The following PLXNA2 variants were observed in gnomAD, a reference collection of about 807,000 sequenced individuals.
The protein encoded by PLXNA2 is plexin A2, also known as plexin-A2.
In PLXNA2, 91 loss-of-function variants were observed where a neutral mutation model predicts 193.5. The ratio of observed to expected loss-of-function variants is 0.47; its 90% CI spans 0.40 to 0.56. The LOEUF (loss-of-function observed/expected upper bound fraction) is 0.56. Among genes scored for constraint, PLXNA2 ranks in the 20% least tolerant of loss-of-function variants. The probability of loss-of-function intolerance (pLI) is 0.00; values close to 1 mark genes in which losing one functional copy is unlikely to be tolerated. For missense variants in PLXNA2, 1,995 were observed against 2,503.2 expected (o/e 0.80, Z 4.33); for synonymous variants, 997 against 1,027.3 (o/e 0.97, Z 0.56).
intron 3 of PLXNA2, among the ~76,000 whole-genome samples, chr1:208,198,087 T>C (rs1021958608): frequency 2.6e-5 from 4 of 152,180 alleles, no homozygotes; most frequent in Non-Finnish European, 2.9e-5. Context: ...TGGCTGCAAA[T>C]TTAATTCATA....
intron 3 of PLXNA2, among the ~76,000 whole-genome samples, chr1:208,208,516 T>C (rs1670812973): frequency 6.6e-6 from 1 of 152,214 alleles, no homozygotes; most frequent in Non-Finnish European, 1.5e-5. Context: ...GCCTATCCCA[T>C]GAGTGAACAC....
At chr1:208,110,868 C>T (rs1050707722) in intron 4 of PLXNA2, among the ~76,000 whole-genome samples, 5 of 152,172 alleles carry the variant, frequency 3.3e-5, no homozygotes, top group African/African-American at 1.2e-4. Context: ...CTTTCTGCTT[C>T]CTAGTCAAGC....
At chr1:208,172,689 G>T (rs1669531385) in intron 3 of PLXNA2, among the ~76,000 whole-genome samples, 1 of 152,186 alleles carries the variant, frequency 6.6e-6, no homozygotes. Context: ...CATGTCCTTG[G>T]ATGGTACTAT....
intron 3 of PLXNA2, among the ~76,000 whole-genome samples, chr1:208,206,786 T>G (rs1670741631): frequency 1.3e-5 from 2 of 150,386 alleles, no homozygotes; most frequent in South Asian, 2.1e-4. Flanking sequence ...TTTTTTTTTT[T>G]TTGAGACAGA....
At chr1:208,199,177 C>T (rs1670457244) in intron 3 of PLXNA2, among the ~76,000 whole-genome samples, 1 of 152,142 alleles carries the variant, frequency 6.6e-6, no homozygotes, top group Non-Finnish European at 1.5e-5. Flanking sequence ...GTGAAGTAGG[C>T]CTCCCTGCTG....
In PLXNA2 at chr1:208,220,948, T is replaced by C. The variant is rs145229340; in HGVS notation, c.-80-2946A>G. ...CAAGGGGAAAGAAATAGATCCAAGG[T>C]GATCTTCTTTGTCATACTACTGCAC... On this transcript the variant is annotated intron_variant, in intron 1 of 31. Coordinates refer to ENST00000367033, the MANE Select transcript of PLXNA2 (RefSeq NM_025179.4). 3.6e-3 allele frequency among the ~76,000 whole-genome samples: 547 copies of C among 152,272 alleles called. 4 individuals carry two copies. The highest frequency in any genetic ancestry group is 0.013 in the African/African-American group (523 of 41,532).
chr1:208,027,832 G>A (rs746260499), intron 31 of PLXNA2, among the ~76,000 whole-genome samples, 177 bp downstream of exon 31: 20 of 152,382 alleles, frequency 1.3e-4, no homozygotes, highest in Middle Eastern at 3.4e-3. Flanking sequence ...ACAATGAAGT[G>A]TATAAAGCCT....
intron 2 of PLXNA2, among the ~76,000 whole-genome samples, chr1:208,215,012 T>A (rs1026395868): frequency 2.0e-5 from 3 of 151,876 alleles, no homozygotes; most frequent in African/African-American, 7.3e-5. Context: ...AGACTAGTGA[T>A]CATGTCTTTT....
chr1:208,240,493 A>C (rs369859475), intron 1 of PLXNA2, among the ~76,000 whole-genome samples: 2 of 152,182 alleles, frequency 1.3e-5, no homozygotes, highest in Non-Finnish European at 2.9e-5. Context: ...AAGTGAAAAA[A>C]CTGTTCAGGG....
intron 2 of PLXNA2, among the ~76,000 whole-genome samples, chr1:208,214,004 AG>A (rs1034534945): frequency 1.6e-4 from 25 of 152,314 alleles, no homozygotes; most frequent in Admixed American, 3.9e-4. Context: ...CCTCCTGACA[AG>A]GCCCCCTCTG....
intron 12 of PLXNA2, among the ~76,000 whole-genome samples, chr1:208,074,577 G>T (rs1259930510): frequency 2.0e-5 from 3 of 152,198 alleles, no homozygotes; most frequent in Non-Finnish European, 4.4e-5. Context: ...GGTGGGCCTG[G>T]TTGCCATGGA....
intron 4 of PLXNA2, 93 bp from the exon 5 acceptor site, chr1:208,103,340 T>A: frequency 1.1e-6 from 1 of 925,826 alleles, no homozygotes. Context: ...ACACTTGCAC[T>A]GTCAACTCCC....
At chr1:208,211,028 C>T (rs761243468) in intron 2 of PLXNA2, among the ~76,000 whole-genome samples, 1 of 152,216 alleles carries the variant, frequency 6.6e-6, no homozygotes, top group Non-Finnish European at 1.5e-5. Context: ...TAGCTCCCTA[C>T]TATCTTTCCA....
At chr1:208,210,160 T>C (rs1173853532) in intron 3 of PLXNA2, 120 bp downstream of exon 3, 1 of 1,083,676 alleles carries the variant, frequency 9.2e-7, no homozygotes, top group South Asian at 1.3e-5. Context: ...CATTTCACCT[T>C]TGTTCCCCAA....
In PLXNA2 at chr1:208,038,984, T is replaced by C; in HGVS notation, c.4501A>G (p.Ile1501Val). The C allele has an allele frequency of 2.5e-6, 4 of 1,613,708 alleles. No homozygotes were observed. Among genetic ancestry groups the C allele is most frequent in the Non-Finnish European group, 3.4e-6 (4 of 1,179,738 alleles). The stretch of plus-strand genomic sequence containing the variant: ...TTGTCAGGGTTGACGCAGTTCAGGA[T>C]CTACAAGTAGGGGACAGAGGGTGAG... ...IRQQIEYKTL[I>V]LNCVNPDNEN... The change falls in exon 25 of 32, where the codon ATC (isoleucine) becomes GTC (valine). Residue 1501 changes from isoleucine (I) to valine (V), a missense_variant and splice_region_variant. Ile to Val is a conservative substitution (Grantham distance 29). Coordinates refer to ENST00000367033, the MANE Select transcript of PLXNA2 (RefSeq NM_025179.4). The surrounding 1 kb of genome is among the most constrained non-coding windows in gnomAD (Gnocchi z 4.1).
chr1:208,030,205 C>G (rs1295598745), intron 29 of PLXNA2: 1 of 985,582 alleles, frequency 1.0e-6, no homozygotes. Flanking sequence ...TCTACCCTCC[C>G]CTTCTTCTGG....
chr1:208,142,489 A>T, intron 3 of PLXNA2, 26 bp from the exon 4 acceptor site: 1 of 1,583,178 alleles, frequency 6.3e-7, no homozygotes, highest in Non-Finnish European at 8.6e-7. Context: ...GGGTGTCCTC[A>T]GCATCTGCCC....
intron 1 of PLXNA2, among the ~76,000 whole-genome samples, chr1:208,237,285 C>A (rs1363108352): frequency 6.6e-6 from 1 of 152,182 alleles, no homozygotes; most frequent in Non-Finnish European, 1.5e-5. Context: ...TCCAAATCTT[C>A]CCTCTCAGGT....
chr1:208,131,203 A>C (rs1373093934), intron 4 of PLXNA2, among the ~76,000 whole-genome samples: 1 of 152,140 alleles, frequency 6.6e-6, no homozygotes, highest in Non-Finnish European at 1.5e-5. Flanking sequence ...CCAGGGGTTC[A>C]CTGACTTCCC....
Sources: allele counts gnomAD v4.1 joint callset (sites outside exome capture counted in the v4.1 genomes callset), GRCh38; gene constraint gnomAD v4.1.1; non-coding constraint Gnocchi (gnomAD v3.1); transcripts MANE v1.5; gene names NCBI Gene and HGNC (gene_info 2026-07-23, HGNC 2026-07-21).